The following KIAA1671 variants were observed in gnomAD, a reference collection of about 807,000 sequenced individuals.
The protein encoded by KIAA1671 is uncharacterized protein KIAA1671.
A neutral mutation model predicts 131.2 loss-of-function variants in KIAA1671; 52 were observed. That is an observed-to-expected ratio of 0.40 (90% confidence interval 0.32 to 0.50). The LOEUF (loss-of-function observed/expected upper bound fraction) is 0.50, where lower values mean the gene tolerates loss of function less well. KIAA1671 is among the 20% of genes least tolerant of loss of function. The pLI is 0.73. For synonymous variants in KIAA1671, 1,003 were observed against 961.6 expected (o/e 1.04, Z -0.80); for missense variants, 2,360 against 2,364.2 (o/e 1.00, Z 0.04).
At chr22:24,966,831 C>G (rs1280696932) in intron 1 of KIAA1671, among the ~76,000 whole-genome samples, 1 of 152,162 alleles carries the variant, frequency 6.6e-6, no homozygotes, top group Admixed American at 6.5e-5. Context: ...GTGCACACAC[C>G]TGTAGTCTCA....
chr22:25,098,330 CTTCA>C (rs1386495939), intron 6 of KIAA1671, among the ~76,000 whole-genome samples: 2 of 152,020 alleles, frequency 1.3e-5, no homozygotes, highest in African/African-American at 4.8e-5. Flanking sequence ...CCCTTCTTTA[CTTCA>C]TTCATTTATC....
intron 1 of KIAA1671, among the ~76,000 whole-genome samples, chr22:24,985,328 T>C (rs1254374075): frequency 6.6e-6 from 1 of 151,042 alleles, no homozygotes; most frequent in Non-Finnish European, 1.5e-5. Flanking sequence ...TATTTCCTGC[T>C]GTGTTTTGTT....
chr22:25,028,971 G>A lies in KIAA1671; in HGVS notation c.972G>A (p.Lys324=), dbSNP rs1926117419. ...AGLERPRAAS[K]LDRDCLVKAE... is the part of the protein sequence containing the mutation. Reference sequence around the variant, plus strand: ...TAGAGAGGCCCAGAGCAGCGTCCAAGCTGGACAGGGACTGTTTGGTCAAGG... The same window carrying A: ...TAGAGAGGCCCAGAGCAGCGTCCAAACTGGACAGGGACTGTTTGGTCAAGG... Residue 324 remains lysine, a synonymous_variant, in exon 3 of 13, where the codon AAG becomes AAA. Coordinates refer to ENST00000358431, the MANE Select transcript of KIAA1671 (RefSeq NM_001145206.2). 6.5e-7 allele frequency: 1 copy of A among 1,542,970 alleles called. No individual in the cohort carries two copies.
intron 1 of KIAA1671, among the ~76,000 whole-genome samples, chr22:24,967,218 T>C (rs1240566306): frequency 6.6e-6 from 1 of 152,184 alleles, no homozygotes; most frequent in African/African-American, 2.4e-5. Context: ...GTGTGCCAAG[T>C]CCCTTGTTAG....
intron 6 of KIAA1671, among the ~76,000 whole-genome samples, chr22:25,095,291 A>G (rs1456007937): frequency 6.6e-6 from 1 of 152,238 alleles, no homozygotes; most frequent in Non-Finnish European, 1.5e-5. Flanking sequence ...CAGTCTCTGC[A>G]CAGACTCACA....
At chr22:25,025,296 A>C (rs930763900) in intron 1 of KIAA1671, among the ~76,000 whole-genome samples, 1 of 152,072 alleles carries the variant, frequency 6.6e-6, no homozygotes, top group East Asian at 1.9e-4. Context: ...TTTGTTACCC[A>C]GTTGTAATTG....
Position 25,041,053 on chromosome 22 carries a change from A to G in KIAA1671, c.3923A>G (p.Tyr1308Cys). Reference sequence around the variant, plus strand: ...CCACCCTCGGCTCCTTCTGAAAGGTATCCAGGGGGCTCTCCTATACCTGCG... The same window carrying G: ...CCACCCTCGGCTCCTTCTGAAAGGTGTCCAGGGGGCTCTCCTATACCTGCG... ...ALPPSAPSERYPGGSPIPADP... is the reference protein window; with the variant it reads ...ALPPSAPSERCPGGSPIPADP... Residue 1308 changes from tyrosine to cysteine, a missense_variant, in exon 5 of 13, where the codon TAT (tyrosine) becomes TGT (cysteine). By Grantham distance (194) the Tyr-to-Cys change is radical. Coordinates refer to ENST00000358431, the MANE Select transcript of KIAA1671 (RefSeq NM_001145206.2). 6.6e-7 allele frequency: 1 copy of G among 1,518,300 alleles called. No homozygotes were observed. Among genetic ancestry groups the G allele is most frequent in the East Asian group, 2.5e-5 (1 of 40,686 alleles). The allele number at this position is 1,518,300 out of a possible 1,614,324, so 94.1% of individuals were successfully genotyped here.
intron 6 of KIAA1671, among the ~76,000 whole-genome samples, chr22:25,148,644 G>A (rs1484952710): frequency 6.6e-6 from 1 of 152,146 alleles, no homozygotes; most frequent in Non-Finnish European, 1.5e-5. Flanking sequence ...TTATCCAACT[G>A]GCACCACGAG....
At chr22:25,078,896 A>G (rs1036456033) in intron 6 of KIAA1671, among the ~76,000 whole-genome samples, 10 of 152,062 alleles carry the variant, frequency 6.6e-5, no homozygotes, top group Non-Finnish European at 1.0e-4. Flanking sequence ...ACGGGCTTGG[A>G]GTCAGTCTCT....
chr22:25,169,766 C>T (rs547340678), intron 6 of KIAA1671, among the ~76,000 whole-genome samples: 2 of 151,576 alleles, frequency 1.3e-5, no homozygotes, highest in Non-Finnish European at 2.9e-5. Context: ...CCTGCGTGCC[C>T]TCTCTGAGTG....
intron 6 of KIAA1671, among the ~76,000 whole-genome samples, chr22:25,111,268 C>A (rs1931329830): frequency 6.6e-6 from 1 of 152,250 alleles, no homozygotes; most frequent in Non-Finnish European, 1.5e-5. Flanking sequence ...CACGTGCAGC[C>A]GCATTTCCTG....
intron 6 of KIAA1671, among the ~76,000 whole-genome samples, chr22:25,110,689 TG>T (rs1931284469): frequency 6.6e-6 from 1 of 152,170 alleles, no homozygotes; most frequent in Non-Finnish European, 1.5e-5. Context: ...AAAACCTGCA[TG>T]GGTCAGATGA....
chr22:25,135,700 C>T (rs963767761), intron 6 of KIAA1671, among the ~76,000 whole-genome samples: 1 of 152,204 alleles, frequency 6.6e-6, no homozygotes, highest in African/African-American at 2.4e-5. Context: ...CTGCCCCTCA[C>T]GTGGCTGTCT....
rs1926824265 is a variant in KIAA1671 at position 25,039,985 on chromosome 22, T to C, written c.2855T>C (p.Leu952Ser). 1.3e-6 allele frequency: 2 copies of C among 1,551,152 alleles called. No individual in the cohort carries two copies. Among genetic ancestry groups the C allele is most frequent in the Admixed American group, 2.0e-5 (1 of 50,962 alleles). Reference protein sequence around the residue: ...QRMDRWRRRTLPPNVKFDTFS... With the variant: ...QRMDRWRRRTSPPNVKFDTFS... ...ATGGACAGATGGCGGCGGCGGACTT[T>C]ACCCCCCAACGTGAAATTTGATACA... The change falls in exon 5 of 13, where the codon TTA (leucine) becomes TCA (serine). Residue 952 changes from leucine to serine, a missense_variant. By Grantham distance (145) the Leu-to-Ser change is moderately radical. Coordinates refer to ENST00000358431, the MANE Select transcript of KIAA1671 (RefSeq NM_001145206.2).
rs866984736 is a variant in KIAA1671, at chr22:25,041,035, C to G, written c.3905C>G (p.Ser1302Trp). The change falls in exon 5 of 13, where the codon TCG (serine) becomes TGG (tryptophan). Residue 1302 changes from serine (S) to tryptophan (W), a missense_variant. By Grantham distance (177) the Ser-to-Trp change is radical (BLOSUM62 -3). This residue lies in a region of KIAA1671 where 1,161 missense variants were observed against 1,204.7 expected (regional missense o/e 0.96). Coordinates refer to ENST00000358431, the MANE Select transcript of KIAA1671 (RefSeq NM_001145206.2). ...CCTCCCTTCTGGGCTCTGCCACCCTCGGCTCCTTCTGAAAGGTATCCAGGG... is the reference window on the plus strand; with the variant it reads ...CCTCCCTTCTGGGCTCTGCCACCCTGGGCTCCTTCTGAAAGGTATCCAGGG... ...SSPPFWALPP[S>W]APSERYPGGS... 1.3e-6 allele frequency: 2 copies of G among 1,499,756 alleles called. No individual in the cohort carries two copies. Among genetic ancestry groups the G allele is most frequent in the Non-Finnish European group, 1.8e-6 (2 of 1,123,094 alleles). 92.9% of individuals were successfully genotyped at this position (1,499,756 alleles called of 1,614,324 possible). A position where few individuals can be genotyped will look rare whatever the true frequency, so the allele number is the denominator to read the frequency against.
chr22:25,189,877 G>A (rs1934612353), intron 11 of KIAA1671, among the ~76,000 whole-genome samples: 1 of 152,138 alleles, frequency 6.6e-6, no homozygotes, highest in Admixed American at 6.5e-5. Context: ...CTCCCTAAGT[G>A]TTGGAGTTAC....
At chr22:25,160,393 T>C (rs916929712) in intron 6 of KIAA1671, among the ~76,000 whole-genome samples, 15 of 152,160 alleles carry the variant, frequency 9.9e-5, no homozygotes, top group African/African-American at 3.4e-4. Flanking sequence ...CACCTCCCTG[T>C]TACTCTTGCC....
At chr22:24,991,347 GT>G (rs1923830699) in intron 1 of KIAA1671, among the ~76,000 whole-genome samples, 1 of 152,056 alleles carries the variant, frequency 6.6e-6, no homozygotes, top group East Asian at 1.9e-4. Flanking sequence ...TTTTAGGAAT[GT>G]CCCCTCTTTT....
intron 1 of KIAA1671, among the ~76,000 whole-genome samples, chr22:25,005,983 G>C (rs1490012227): frequency 6.6e-6 from 1 of 152,136 alleles, no homozygotes; most frequent in Non-Finnish European, 1.5e-5. Flanking sequence ...TGGAGTGCTT[G>C]AAATGACACC....
Sources: gnomAD v4.1 joint callset for allele counts (sites outside exome capture counted in the v4.1 genomes callset) on GRCh38, gnomAD v4.1.1 for gene constraint, gnomAD v4.1.1 regional missense constraint, MANE v1.5 for transcripts, NCBI Gene and HGNC (gene_info 2026-07-23, HGNC 2026-07-21) for gene names.